The following GOT2 variants were observed in gnomAD, a reference collection of about 807,000 sequenced individuals.
The protein encoded by GOT2 is aspartate aminotransferase, mitochondrial.
In GOT2, 17 loss-of-function variants were observed where a neutral mutation model predicts 50.0. That is an observed-to-expected ratio of 0.34 (90% confidence interval 0.23 to 0.51). The LOEUF (loss-of-function observed/expected upper bound fraction) is 0.51. Among genes scored for constraint, GOT2 ranks in the 20% least tolerant of loss-of-function variants. GOT2 has a pLI of 0.97. For synonymous variants in GOT2, 172 were observed against 204.9 expected, an observed-to-expected ratio of 0.84 and a Z score of 1.37; for missense variants, 430 against 559.6, an observed-to-expected ratio of 0.77 and a Z score of 2.34.
Position 58,716,055 on chromosome 16 carries a change from A to G in GOT2, c.978T>C (p.Ile326=), listed in dbSNP as rs1567486688. 1.2e-6 allele frequency: 2 copies of G among 1,613,360 alleles called. No individual in the cohort carries two copies. Among genetic ancestry groups the G allele is most frequent in the Admixed American group, 3.3e-5 (2 of 59,732 alleles). Residue 326 remains isoleucine, a synonymous_variant, in exon 8 of 10, where the codon ATT becomes ATC. Transcript: ENST00000245206. ...YSNPPLNGAR[I]AAAILNTPDL... ...CTGGGGTGTTCAGAATGGCAGCAGC[A>G]ATCCGGGCCCCATTGAGGGGAGGGT...
intron 1 of GOT2, among the ~76,000 whole-genome samples, chr16:58,726,359 T>C (rs2058678699): frequency 6.6e-6 from 1 of 152,160 alleles, no homozygotes; most frequent in African/African-American, 2.4e-5. Context: ...CTAATTTTTG[T>C]ATTTTTAGTA....
chr16:58,709,325 T>C (rs2044627579), intron 9 of GOT2, 92 bp downstream of exon 9: 3 of 1,084,594 alleles, frequency 2.8e-6, no homozygotes, highest in Admixed American at 5.0e-5. Context: ...CCCGAAAACA[T>C]TAAATAAAAA....
chr16:58,722,330 C>A (rs1420638806), intron 2 of GOT2, 52 bp from the exon 3 acceptor site: 1 of 1,552,278 alleles, frequency 6.4e-7, no homozygotes, highest in Admixed American at 1.7e-5. Flanking sequence ...CTTGGAATTA[C>A]TATGATTAAT....
intron 1 of GOT2, among the ~76,000 whole-genome samples, chr16:58,726,510 T>TATTTATTTATTTA (rs1555509479): frequency 1.3e-5 from 2 of 151,018 alleles, no homozygotes; most frequent in Admixed American, 6.6e-5. Flanking sequence ...TTTATTTATT[T>TATTTATTTATTTA]TTGAGACGGA....
At chr16:58,713,367 G>A (rs900557939) in intron 8 of GOT2, among the ~76,000 whole-genome samples, 4 of 152,020 alleles carry the variant, frequency 2.6e-5, no homozygotes, top group South Asian at 2.1e-4. Context: ...AGCTGGGTGC[G>A]GTGGCTCACA....
intron 1 of GOT2, chr16:58,733,879 G>A (rs2044855458): frequency 2.6e-6 from 1 of 387,854 alleles, no homozygotes; most frequent in Non-Finnish European, 4.6e-6. Context: ...CCTTTCCCTA[G>A]GGATTGCGTT....
At chr16:58,728,174 T>C (rs1357169369) in intron 1 of GOT2, among the ~76,000 whole-genome samples, 1 of 152,178 alleles carries the variant, frequency 6.6e-6, no homozygotes, top group Non-Finnish European at 1.5e-5. Flanking sequence ...TTATTTCCAG[T>C]TTTTTGGATT....
rs773504181 is a variant in GOT2 at position 58,708,199 on chromosome 16, G to A, written c.1265C>T (p.Ala422Val). The part of the protein sequence containing the change: ...GVTSSNVGYL[A>V]HAIHQVTK ...CTTGGTGACCTGGTGAATGGCATGGGCAAGGTAGCCCACGTTGCTGGAGGT... is the reference window on the plus strand; with the variant it reads ...CTTGGTGACCTGGTGAATGGCATGGACAAGGTAGCCCACGTTGCTGGAGGT... The change falls in exon 10 of 10, where the codon GCC becomes GTC. Residue 422 changes from alanine to valine, a missense_variant. Physicochemically the swap from Ala to Val is moderately conservative, Grantham distance 64. Coordinates refer to ENST00000245206, the MANE Select transcript of GOT2 (RefSeq NM_002080.4). The A allele has an allele frequency of 2.5e-6, 4 of 1,614,050 alleles. No homozygotes were observed. The highest frequency in any genetic ancestry group is 1.1e-5 in the South Asian group (1 of 91,072).
intron 8 of GOT2, among the ~76,000 whole-genome samples, chr16:58,715,638 C>T (rs1463033361): frequency 4.6e-5 from 7 of 152,174 alleles, no homozygotes; most frequent in Admixed American, 1.3e-4. Flanking sequence ...CTGCAGCCTT[C>T]GCCTCCCAGG....
chr16:58,712,543 C>G (rs996721336), intron 8 of GOT2, among the ~76,000 whole-genome samples: 3 of 151,924 alleles, frequency 2.0e-5, no homozygotes, highest in African/African-American at 7.3e-5. Flanking sequence ...ACAACAACAA[C>G]AACAAGAACA....
chr16:58,714,136 G>A (rs1213973094), intron 8 of GOT2, among the ~76,000 whole-genome samples: 2 of 151,786 alleles, frequency 1.3e-5, no homozygotes, highest in Non-Finnish European at 2.9e-5. Context: ...CAACTCCTGG[G>A]TTCAAGGGAT....
At chr16:58,716,561 C>T in intron 7 of GOT2, 102 bp downstream of exon 7, 1 of 42,492 alleles carries the variant, frequency 2.4e-5, no homozygotes, top group Non-Finnish European at 3.5e-5. Flanking sequence ...CATGGATGGA[C>T]ACACACACAC....
At chr16:58,722,860 A>G (rs2152096332) in intron 2 of GOT2, among the ~76,000 whole-genome samples, 1 of 152,332 alleles carries the variant, frequency 6.6e-6, no homozygotes, top group East Asian at 1.9e-4. Flanking sequence ...GGAATGCACA[A>G]GACCAAGGTT....
intron 1 of GOT2, among the ~76,000 whole-genome samples, chr16:58,724,127 A>G (rs1567489652): frequency 1.3e-5 from 2 of 151,884 alleles, no homozygotes; most frequent in African/African-American, 4.8e-5. Flanking sequence ...TAATTTTTGT[A>G]TTTTTAGTGG....
intron 8 of GOT2, among the ~76,000 whole-genome samples, chr16:58,715,149 C>T (rs914468310): frequency 2.0e-5 from 3 of 152,094 alleles, no homozygotes; most frequent in African/African-American, 7.2e-5. Flanking sequence ...TTTGAGGAGA[C>T]CAGCCTGGGC....
chr16:58,719,133 C>T, intron 4 of GOT2, 63 bp downstream of exon 4: 1 of 1,163,318 alleles, frequency 8.6e-7, no homozygotes, highest in Non-Finnish European at 1.3e-6. Context: ...CAAATACACA[C>T]ACAACAGGAA....
rs1220696482 is a variant in GOT2, at chr16:58,716,731, C to T, written c.785G>A (p.Arg262His). Residue 262 changes from arginine to histidine, a missense_variant, in exon 7 of 10, where the codon CGC (arginine) becomes CAC (histidine). Transcript: ENST00000245206. ...ATTAATGCCCTGTTCGATGAAGTGGCGCACAGCCCAGGCATCCTTATCACC... is the reference window on the plus strand; with the variant it reads ...ATTAATGCCCTGTTCGATGAAGTGGTGCACAGCCCAGGCATCCTTATCACC... ...GDGDKDAWAVRHFIEQGINVC... is the reference protein window; with the variant it reads ...GDGDKDAWAVHHFIEQGINVC... 5.0e-6 allele frequency: 8 copies of T among 1,613,750 alleles called. No homozygotes were observed. Among genetic ancestry groups the T allele is most frequent in the African/African-American group, 4.0e-5 (3 of 74,914 alleles).
rs2044759933 is a variant in GOT2, at chr16:58,723,799, C to A, written c.193G>T (p.Gly65Cys). The A allele has an allele frequency of 6.2e-7, 1 of 1,612,914 alleles. No homozygotes were observed. The highest frequency in any genetic ancestry group is 2.2e-5 in the East Asian group (1 of 44,878). Residue 65 changes from glycine to cysteine, a missense_variant, in exon 2 of 10, where the codon GGT becomes TGT. Gly to Cys is a radical substitution (Grantham distance 159). Transcript: ENST00000245206. ...TNSKKMNLGV[G>C]AYRDDNGKPY... The stretch of plus-strand genomic sequence containing the variant: ...TTTCCATTATCATCCCGGTAGGCAC[C>A]AACTCCCAGATTCATCTTTTTGCTA...
At chr16:58,712,974 C>T (rs2044662061) in intron 8 of GOT2, among the ~76,000 whole-genome samples, 1 of 152,178 alleles carries the variant, frequency 6.6e-6, no homozygotes, top group Non-Finnish European at 1.5e-5. Context: ...TAGCACATGC[C>T]TGTAATCCCA....
Sources: gnomAD v4.1 joint callset for allele counts (sites outside exome capture counted in the v4.1 genomes callset) on GRCh38, gnomAD v4.1.1 for gene constraint, MANE v1.5 for transcripts, NCBI Gene and HGNC (gene_info 2026-07-23, HGNC 2026-07-21) for gene names.